The following DGKD variants were observed in gnomAD, a reference collection of about 807,000 sequenced individuals.
DGKD encodes the protein diacylglycerol kinase delta, also known as DAG kinase delta.
DGKD carries 68 observed loss-of-function variants against 154.4 expected under a neutral mutation model. That is an observed-to-expected ratio of 0.44 (90% CI 0.36 to 0.54). DGKD has a LOEUF of 0.54. DGKD is among the 20% of genes least tolerant of loss of function. DGKD has a pLI of 0.00. For missense variants in DGKD, 1,343 were observed against 1,593.6 expected (o/e 0.84, Z 2.68); for synonymous variants, 693 against 638.0 (o/e 1.09, Z -1.30).
chr2:233,401,102 G>A (rs1699941781), intron 3 of DGKD, among the ~76,000 whole-genome samples: 1 of 151,940 alleles, frequency 6.6e-6, no homozygotes, highest in African/African-American at 2.4e-5. Flanking sequence ...AAGCCAGAGT[G>A]TGAATCCTAG....
rs1247676648 is a variant in DGKD, at chr2:233,448,354, G to A, written c.1593G>A (p.Glu531=). The part of the protein sequence containing the change: ...AYEKTTESSE[E]SEVMAKKCSV... ...AGAAGACGACCGAGAGCTCGGAGGA[G>A]TCAGAGGTCATGGCCAAGAAGGTCT... The change falls in exon 14 of 30, where the codon GAG becomes GAA. Residue 531 remains glutamate, a synonymous_variant. Coordinates refer to ENST00000264057, the MANE Select transcript of DGKD (RefSeq NM_152879.3). 2 of 1,614,008 alleles carry A rather than the reference G, an allele frequency of 1.2e-6. No individual in the cohort carries two copies. The highest frequency in any genetic ancestry group is 1.3e-5 in the African/African-American group (1 of 74,938).
At chr2:233,464,827 C>T (rs777872760) in intron 27 of DGKD, among the ~76,000 whole-genome samples, 9 of 152,208 alleles carry the variant, frequency 5.9e-5, no homozygotes, top group South Asian at 2.1e-4. Context: ...TGGAGAGGGC[C>T]GTGTCTGGAC....
intron 28 of DGKD, 47 bp from the exon 29 acceptor site, chr2:233,468,376 C>G (rs201536785): frequency 6.2e-7 from 1 of 1,603,470 alleles, no homozygotes. Context: ...CTACCTTGCA[C>G]TGGGCTCTGG....
At chr2:233,450,493 TG>T (rs1188077446) in intron 16 of DGKD, among the ~76,000 whole-genome samples, 1 of 151,812 alleles carries the variant, frequency 6.6e-6, no homozygotes, top group Admixed American at 6.6e-5. Flanking sequence ...TGGGTGAGCG[TG>T]GGCCTTCTTT....
At chr2:233,447,007 G>A (rs1405371110) in intron 12 of DGKD, among the ~76,000 whole-genome samples, 2 of 152,184 alleles carry the variant, frequency 1.3e-5, no homozygotes, top group Non-Finnish European at 2.9e-5. Context: ...ACCCTCTAGG[G>A]GCTTCCTGGG....
In DGKD at chr2:233,470,924, G is replaced by A. The variant is rs929111506; in HGVS notation, c.*1464G>A. The A allele has an allele frequency of 3.9e-5, 6 of 152,420 alleles. No individual in the cohort carries two copies. Among genetic ancestry groups the A allele is most frequent in the South Asian group, 4.1e-4 (2 of 4,830 alleles). The allele number at this position is 152,420 out of a possible 1,614,324, so 9.4% of individuals were successfully genotyped here. On this transcript the variant is annotated 3_prime_UTR_variant, in exon 30 of 30. Coordinates refer to ENST00000264057, the MANE Select transcript of DGKD (RefSeq NM_152879.3). ...GCGCTGTCCAGGTCCTTTAGTCAGCGTCACTCCATCTGATGTGCAGAAGCT... is the reference window on the plus strand; with the variant it reads ...GCGCTGTCCAGGTCCTTTAGTCAGCATCACTCCATCTGATGTGCAGAAGCT...
rs2063756522 is a variant in DGKD, at chr2:233,464,177, C to T, written c.3200C>T (p.Pro1067Leu). 2 of 1,613,422 alleles carry T rather than the reference C, an allele frequency of 1.2e-6. No homozygotes were observed. Among genetic ancestry groups the T allele is most frequent in the African/African-American group, 1.3e-5 (1 of 74,928 alleles). Residue 1067 changes from proline (P) to leucine (L), a missense_variant, in exon 27 of 30, where the codon CCT becomes CTT. Transcript: ENST00000264057. ...SGKMALQLDP[P>L]QKEQLGSALA... ...CGCCTGGAGCAGCAGCTGGATCCGC[C>T]TCAGAAGGAGCAGCTGGGGAGTGCT...
chr2:233,454,076 C>G (rs1048844720), intron 18 of DGKD, among the ~76,000 whole-genome samples: 2 of 152,178 alleles, frequency 1.3e-5, no homozygotes, highest in Admixed American at 1.3e-4. Flanking sequence ...GGGAATAGTC[C>G]AGCAGCTCTG....
At chr2:233,411,479 T>G (rs1223832985) in intron 3 of DGKD, among the ~76,000 whole-genome samples, 1 of 152,228 alleles carries the variant, frequency 6.6e-6, no homozygotes, top group South Asian at 2.1e-4. Context: ...TGTTGGTCAT[T>G]TGTATGTCTT....
intron 3 of DGKD, among the ~76,000 whole-genome samples, chr2:233,424,392 C>A (rs528990814): frequency 1.1e-4 from 16 of 152,310 alleles, no homozygotes; most frequent in African/African-American, 3.6e-4. Flanking sequence ...GATCTTATTT[C>A]TCCACCTTCT....
Position 233,457,354 on chromosome 2 carries a change from G to T in DGKD, c.2580+26G>T, listed in dbSNP as rs1012115725. The T allele has an allele frequency of 6.5e-7, 1 of 1,529,458 alleles. No individual in the cohort carries two copies. The highest frequency in any genetic ancestry group is 2.3e-5 in the East Asian group (1 of 44,430). 94.7% of individuals were successfully genotyped at this position (1,529,458 alleles called of 1,614,324 possible). ...GTATGTATGGGGTGTGAGCGGGTGG[G>T]CCTGAGCTCAGTGGGGAAGAGCTGT... On this transcript the variant is annotated intron_variant, in intron 21 of 29. Transcript: ENST00000264057. This position sits in a 1 kb window ranked among gnomAD's most constrained non-coding sequence, Gnocchi z 5.5.
In DGKD at chr2:233,469,975, A is replaced by G. The variant is rs182555681; in HGVS notation, c.*515A>G. ...TTGATGCAGCTTTTGTTGAACAAAA[A>G]TCGTGCTCTTTCCTGGTTTGAAAGT... On this transcript the variant is annotated 3_prime_UTR_variant, in exon 30 of 30. Coordinates refer to ENST00000264057, the MANE Select transcript of DGKD (RefSeq NM_152879.3). 161 of 153,046 alleles carry G rather than the reference A, an allele frequency of 1.1e-3. No individual in the cohort carries two copies. Among genetic ancestry groups the G allele is most frequent in the Middle Eastern group, 3.4e-3 (1 of 294 alleles). The allele number at this position is 153,046 out of a possible 1,614,324, so 9.5% of individuals were successfully genotyped here. A position where few individuals can be genotyped will look rare whatever the true frequency, so the allele number is the denominator to read the frequency against.
At chr2:233,447,177 C>T (rs1339267527) in intron 12 of DGKD, among the ~76,000 whole-genome samples, 9 of 121,910 alleles carry the variant, frequency 7.4e-5, no homozygotes, top group Admixed American at 6.3e-4. Context: ...CCGGCTCTGC[C>T]GCGGCTCTCC....
intron 24 of DGKD, among the ~76,000 whole-genome samples, chr2:233,461,331 C>T (rs555378278): frequency 1.3e-5 from 2 of 152,364 alleles, no homozygotes; most frequent in Non-Finnish European, 2.9e-5. Context: ...GTTTTGTGCC[C>T]GGCATGCCGT....
chr2:233,413,031 C>G (rs2061865516), intron 3 of DGKD, among the ~76,000 whole-genome samples: 1 of 152,076 alleles, frequency 6.6e-6, no homozygotes, highest in African/African-American at 2.4e-5. Context: ...AGGTATTGAT[C>G]TGTAATTTAT....
At chr2:233,432,725 T>A (rs1026008472) in intron 3 of DGKD, among the ~76,000 whole-genome samples, 1 of 151,924 alleles carries the variant, frequency 6.6e-6, no homozygotes, top group Admixed American at 6.6e-5. Flanking sequence ...ATAACCAGAA[T>A]AAATCGAGAG....
chr2:233,447,836 A>G (rs1370900704), intron 12 of DGKD: 1 of 1,315,902 alleles, frequency 7.6e-7, no homozygotes, highest in Admixed American at 3.4e-5. Context: ...GGGATCGCAG[A>G]CTGAAGGAGA....
chr2:233,430,878 A>G (rs999162768), intron 3 of DGKD, among the ~76,000 whole-genome samples: 1 of 152,124 alleles, frequency 6.6e-6, no homozygotes, highest in African/African-American at 2.4e-5. Context: ...ATAGATTGCT[A>G]TTTTCATTTG....
intron 17 of DGKD, among the ~76,000 whole-genome samples, chr2:233,451,705 C>T (rs1189364530): frequency 6.6e-6 from 1 of 151,974 alleles, no homozygotes; most frequent in African/African-American, 2.4e-5. Flanking sequence ...TATCTGGGAC[C>T]ACAGGCACAC....
Sources: gnomAD v4.1 joint callset for allele counts (sites outside exome capture counted in the v4.1 genomes callset) on GRCh38, gnomAD v4.1.1 for gene constraint, Gnocchi (gnomAD v3.1) non-coding constraint, MANE v1.5 for transcripts, NCBI Gene and HGNC (gene_info 2026-07-23, HGNC 2026-07-21) for gene names.